Variants in COL22A1 observed in about 807,000 individuals in gnomAD.
COL22A1 encodes collagen type XXII alpha 1 chain.
Under a neutral mutation model 248.9 loss-of-function variants are expected in COL22A1, and 221 were observed. The ratio of observed to expected loss-of-function variants is 0.89; its 90% CI spans 0.80 to 0.99. The LOEUF is 0.99. COL22A1 is among the 50% of genes least tolerant of loss of function. The probability of loss-of-function intolerance (pLI) is 0.00; values close to 1 mark genes in which losing one functional copy is unlikely to be tolerated. For missense variants in COL22A1, 2,240 were observed against 2,179.0 expected, an observed-to-expected ratio of 1.03 and a Z score of -0.56; for synonymous variants, 891 against 793.4, an observed-to-expected ratio of 1.12 and a Z score of -2.07.
At chr8:138,599,335 C>T (rs146334338) in intron 60 of COL22A1, among the ~76,000 whole-genome samples, 2,707 of 152,174 alleles carry the variant, frequency 0.018, 83 homozygotes, top group African/African-American at 0.061. Flanking sequence ...AAACATTAGC[C>T]GGGCGTGGTG....
intron 3 of COL22A1, among the ~76,000 whole-genome samples, chr8:138,873,746 T>TTGAA (rs377320261): frequency 7.8e-4 from 119 of 152,206 alleles, no homozygotes; most frequent in African/African-American, 1.7e-3. Context: ...AATGTGCTTG[T>TTGAA]TGAATGAATG....
chr8:138,699,940 A>C (rs1396341323), intron 32 of COL22A1, among the ~76,000 whole-genome samples, 172 bp downstream of exon 32: 2 of 152,224 alleles, frequency 1.3e-5, no homozygotes, highest in Admixed American at 6.5e-5. Context: ...GCTCCCTGCA[A>C]GGCCCTTTCT....
At chr8:138,736,665 G>C (rs1563687688) in intron 23 of COL22A1, among the ~76,000 whole-genome samples, 1 of 152,152 alleles carries the variant, frequency 6.6e-6, no homozygotes, top group African/African-American at 2.4e-5. Flanking sequence ...AGTATGGCCT[G>C]TGGGAGTTGG....
chr8:138,629,714 G>A (rs1034920082), intron 50 of COL22A1, among the ~76,000 whole-genome samples: 1 of 152,208 alleles, frequency 6.6e-6, no homozygotes, highest in Non-Finnish European at 1.5e-5. Context: ...CTTTGACCAA[G>A]TGACATAACC....
chr8:138,614,167 C>T (rs1380495081), intron 55 of COL22A1, among the ~76,000 whole-genome samples: 1 of 152,212 alleles, frequency 6.6e-6, no homozygotes, highest in East Asian at 1.9e-4. Flanking sequence ...CATCCTCCAC[C>T]TGGTCCCACA....
chr8:138,594,099 TG>T lies in COL22A1; in HGVS notation c.4532del (p.Pro1511GlnfsTer25). ...GCTCCCCCATGGGGCCGGCCCGGCC[TG>T]GAAGCCCATCTTTTCCAGGGGGCCC... ...PPGPPGKDGL[P>X]GRAGPMGEPG... On this transcript the variant is annotated frameshift_variant, in exon 63 of 65. Transcript: ENST00000303045. LOFTEE classifies it high-confidence loss of function. The T allele has an allele frequency of 6.3e-7, 1 of 1,582,180 alleles. No individual in the cohort carries two copies. The highest frequency in any genetic ancestry group is 2.0e-5 in the Admixed American group (1 of 50,382).
chr8:138,704,910 A>T (rs1175051824), intron 30 of COL22A1, among the ~76,000 whole-genome samples: 1 of 152,234 alleles, frequency 6.6e-6, no homozygotes, highest in Non-Finnish European at 1.5e-5. Flanking sequence ...GGCTAACTAG[A>T]ATAAACAGCA....
intron 1 of COL22A1, among the ~76,000 whole-genome samples, chr8:138,905,557 C>T (rs892707464): frequency 6.6e-6 from 1 of 152,160 alleles, no homozygotes; most frequent in Non-Finnish European, 1.5e-5. Flanking sequence ...AAGCCAAGCT[C>T]CCATTTCTGC....
intron 56 of COL22A1, among the ~76,000 whole-genome samples, chr8:138,612,433 T>A (rs994191577): frequency 6.6e-6 from 1 of 152,170 alleles, no homozygotes; most frequent in African/African-American, 2.4e-5. Context: ...CAGGCAGATA[T>A]AACATCCAGA....
At chr8:138,737,389 A>C (rs2131255814) in intron 23 of COL22A1, 135 bp downstream of exon 23, 2 of 665,454 alleles carry the variant, frequency 3.0e-6, no homozygotes, top group Non-Finnish European at 5.5e-6. Flanking sequence ...CACGTGACCC[A>C]CTGGCTGTTC....
chr8:138,824,443 C>T (rs1300108819), intron 6 of COL22A1, among the ~76,000 whole-genome samples: 3 of 152,196 alleles, frequency 2.0e-5, no homozygotes, highest in Non-Finnish European at 4.4e-5. Context: ...GGCATCCACA[C>T]TTGCCTGGAT....
intron 30 of COL22A1, among the ~76,000 whole-genome samples, chr8:138,710,918 A>G (rs1352683970): frequency 6.6e-6 from 1 of 152,172 alleles, no homozygotes; most frequent in Non-Finnish European, 1.5e-5. Flanking sequence ...GATCAAAGTT[A>G]AGTGTTTTCC....
chr8:138,700,903 T>C (rs1479004670), intron 31 of COL22A1, among the ~76,000 whole-genome samples: 1 of 143,388 alleles, frequency 7.0e-6, no homozygotes, highest in Non-Finnish European at 1.5e-5. Context: ...GAGAATGGCA[T>C]GAACCCAGGA....
chr8:138,672,723 G>A (rs1825139085), intron 41 of COL22A1, among the ~76,000 whole-genome samples: 1 of 152,198 alleles, frequency 6.6e-6, no homozygotes, highest in Non-Finnish European at 1.5e-5. Context: ...CAAAGGCAGG[G>A]AAGCAGGTAT....
chr8:138,899,283 A>C (rs2132147613), intron 1 of COL22A1, among the ~76,000 whole-genome samples: 1 of 152,290 alleles, frequency 6.6e-6, no homozygotes, highest in African/African-American at 2.4e-5. Context: ...ACATGAATAC[A>C]GAGAGTATAT....
chr8:138,685,687 G>C (rs905953142), intron 37 of COL22A1, among the ~76,000 whole-genome samples: 3 of 152,098 alleles, frequency 2.0e-5, no homozygotes, highest in African/African-American at 7.2e-5. Flanking sequence ...ACAGGGACAA[G>C]ACACCACCAA....
At chr8:138,734,546 G>A (rs1415248533) in intron 23 of COL22A1, among the ~76,000 whole-genome samples, 2 of 152,196 alleles carry the variant, frequency 1.3e-5, no homozygotes, top group Admixed American at 6.5e-5. Context: ...TCTGGCCGTG[G>A]AGAAACAGGA....
At chr8:138,641,136 C>A (rs1821653766) in intron 47 of COL22A1, among the ~76,000 whole-genome samples, 1 of 152,158 alleles carries the variant, frequency 6.6e-6, no homozygotes, top group African/African-American at 2.4e-5. Context: ...AGAACCGTGG[C>A]AGTTACAGAC....
intron 27 of COL22A1, among the ~76,000 whole-genome samples, chr8:138,718,835 A>G (rs754969362): frequency 1.3e-5 from 2 of 152,224 alleles, no homozygotes; most frequent in Non-Finnish European, 2.9e-5. Context: ...TCTTTCAACC[A>G]TGAGTGATGA....
Sources: gnomAD v4.1 joint callset for allele counts (sites outside exome capture counted in the v4.1 genomes callset) on GRCh38, gnomAD v4.1.1 for gene constraint, MANE v1.5 for transcripts, NCBI Gene and HGNC (gene_info 2026-07-23, HGNC 2026-07-21) for gene names.